Variants in CDC27 observed in about 807,000 individuals in gnomAD.
CDC27 encodes the protein cell division cycle protein 27 homolog.
In CDC27, 27 loss-of-function variants were observed where a neutral mutation model predicts 109.7. That is an observed-to-expected ratio of 0.25 (90% confidence interval 0.18 to 0.34). The LOEUF (loss-of-function observed/expected upper bound fraction) is 0.34, where lower values mean the gene tolerates loss of function less well. Among genes scored for constraint, CDC27 ranks in the 10% least tolerant of loss-of-function variants. The pLI, the probability that CDC27 is intolerant of heterozygous loss-of-function variation, is 1.00. For synonymous variants in CDC27, 266 were observed against 333.9 expected (o/e 0.80, Z 2.22); for missense variants, 579 against 960.2 (o/e 0.60, Z 5.25).
intron 15 of CDC27, among the ~76,000 whole-genome samples, chr17:47,131,600 G>A (rs1418499771): frequency 1.3e-5 from 2 of 151,926 alleles, no homozygotes; most frequent in African/African-American, 4.8e-5. Flanking sequence ...TTACACAGAA[G>A]CTAATAAATG....
At position 47,151,365 on chromosome 17, in the gene CDC27, TA is replaced by T. The variant is rs140138003; in HGVS notation, c.1070+440del. Among the ~76,000 whole-genome samples the T allele has an allele frequency of 5.8e-4, 89 of 152,364 alleles. No homozygotes were observed. In the East Asian group the frequency reaches 0.016, roughly 27 times the overall value. Reference sequence around the variant, plus strand: ...TATCTTCCTTTTAAAATGTTAGCTATAATCTATTGAGTCCTTGAAGAGGAAA... The same window carrying T: ...TATCTTCCTTTTAAAATGTTAGCTATATCTATTGAGTCCTTGAAGAGGAAA... On this transcript the variant is annotated intron_variant, in intron 9 of 18. Transcript: ENST00000066544.
intron 10 of CDC27, among the ~76,000 whole-genome samples, chr17:47,143,581 G>A (rs1217121108): frequency 6.6e-6 from 1 of 152,028 alleles, no homozygotes; most frequent in African/African-American, 2.4e-5. Context: ...ATCCTCCCTA[G>A]AGGCCTAACT....
chr17:47,169,692 A>G (rs2063756003), intron 4 of CDC27: 1 of 331,798 alleles, frequency 3.0e-6, no homozygotes, highest in Admixed American at 4.8e-5. Context: ...CCTAACATGT[A>G]TGATCAATTG....
intron 10 of CDC27, among the ~76,000 whole-genome samples, chr17:47,142,895 C>T (rs368174839): frequency 6.6e-6 from 1 of 152,144 alleles, no homozygotes. Context: ...AGGCTGGTCT[C>T]GAACTCCTGA....
At position 47,185,187 on chromosome 17, in the gene CDC27, C is replaced by CT. The variant is rs200454606; in HGVS notation, c.28-3551dup. Among the ~76,000 whole-genome samples the CT allele has an allele frequency of 6.5e-3, 985 of 151,060 alleles. 3 individuals carry two copies. Among genetic ancestry groups the CT allele is most frequent in the African/African-American group, 0.022 (924 of 41,202 alleles). The stretch of plus-strand genomic sequence containing the variant: ...AAATGTAATCACTATAAATTTTTCT[C>CT]TTTTTTTTTGAGACAGAGTCTCACT... On this transcript the variant is annotated intron_variant, in intron 1 of 18. Coordinates refer to ENST00000066544, the MANE Select transcript of CDC27 (RefSeq NM_001256.6).
At position 47,157,062 on chromosome 17, in the gene CDC27, T is replaced by C. The variant is rs1567684321; in HGVS notation, c.693A>G (p.Ser231=). Residue 231 remains serine (S), a synonymous_variant, in exon 7 of 19, where the codon TCA becomes TCG. Transcript: ENST00000066544. Reference sequence around the variant, plus strand: ...TTACAGCTGAATCAATATAAGACACTGAGGAATCTGTATTCAAGGAGTACT... The same window carrying C: ...TTACAGCTGAATCAATATAAGACACCGAGGAATCTGTATTCAAGGAGTACT... ...NSKYSLNTDS[S]VSYIDSAVIS... The C allele has an allele frequency of 6.3e-7, 1 of 1,596,948 alleles. No homozygotes were observed. The highest frequency in any genetic ancestry group is 1.1e-5 in the South Asian group (1 of 89,536).
intron 3 of CDC27, 96 bp downstream of exon 3, chr17:47,171,821 G>A (rs1237683051): frequency 1.3e-6 from 1 of 759,156 alleles, no homozygotes; most frequent in Non-Finnish European, 2.1e-6. Context: ...GGAAAACAGG[G>A]AAGAAAGGGA....
Position 47,120,987 on chromosome 17 carries a change from ATGC to A in CDC27, c.2420_2422del (p.Ser807del). On this transcript the variant is annotated inframe_deletion, in exon 19 of 19. Coordinates refer to ENST00000066544, the MANE Select transcript of CDC27 (RefSeq NM_001256.6). ...AAGTTGTGTGTCATCCGCATCTGTC[ATGC>A]TGCTCTCCTGGGATTCATCTGTTCC... 1.2e-6 allele frequency: 2 copies of A among 1,612,966 alleles called. No individual in the cohort carries two copies. Among genetic ancestry groups the A allele is most frequent in the Non-Finnish European group, 1.7e-6 (2 of 1,179,374 alleles).
At chr17:47,131,689 G>T (rs991992908) in intron 15 of CDC27, among the ~76,000 whole-genome samples, 1 of 149,076 alleles carries the variant, frequency 6.7e-6, no homozygotes, top group Non-Finnish European at 1.5e-5. Flanking sequence ...TCTTTTAAGA[G>T]ATGGAGTCTC....
intron 1 of CDC27, among the ~76,000 whole-genome samples, chr17:47,186,871 C>T (rs1331076940): frequency 1.3e-5 from 2 of 152,216 alleles, no homozygotes; most frequent in South Asian, 2.1e-4. Flanking sequence ...CCAACTTACT[C>T]TCATTGCTTT....
At position 47,157,334 on chromosome 17, in the gene CDC27, A is replaced by G; in HGVS notation, c.526T>C (p.Phe176Leu). 7 of 1,613,396 alleles carry G rather than the reference A, an allele frequency of 4.3e-6. No homozygotes were observed. The highest frequency in any genetic ancestry group is 5.9e-6 in the Non-Finnish European group (7 of 1,179,530). The change falls in exon 6 of 19, where the codon TTT becomes CTT. Residue 176 changes from phenylalanine (F) to leucine (L), a missense_variant. Phe to Leu is a conservative substitution (Grantham distance 22, BLOSUM62 0). Transcript: ENST00000066544. ...CAAGAGTTGGGCAGACAGTTGCTAA[A>G]GTTCTGTAAAGATGTGAATTTAAAT... ...QTFKFTSLQN[F>L]SNCLPNSCTT... is the part of the protein sequence containing the mutation.
intron 1 of CDC27, among the ~76,000 whole-genome samples, chr17:47,185,250 C>T (rs899599272): frequency 1.3e-5 from 2 of 152,114 alleles, no homozygotes; most frequent in African/African-American, 4.8e-5. Context: ...GCGATCTCGG[C>T]TCACTGCAAG....
At chr17:47,185,706 G>A in intron 1 of CDC27, among the ~76,000 whole-genome samples, 1 of 152,016 alleles carries the variant, frequency 6.6e-6, no homozygotes, top group Admixed American at 6.6e-5. Context: ...CCAGTCAGCT[G>A]CCCTTTTTTA....
chr17:47,180,945 TAAAAA>T (rs34061862), intron 2 of CDC27, among the ~76,000 whole-genome samples: 3 of 111,668 alleles, frequency 2.7e-5, no homozygotes, highest in Admixed American at 9.7e-5. Flanking sequence ...ACTCTTTTCT[TAAAAA>T]AAAAAAAAAA....
intron 13 of CDC27, among the ~76,000 whole-genome samples, chr17:47,138,048 G>C (rs1238428750): frequency 6.6e-6 from 1 of 152,108 alleles, no homozygotes. Flanking sequence ...GAATCCGCCT[G>C]CCTCAGCCTC....
chr17:47,123,817 A>C, intron 17 of CDC27, 69 bp downstream of exon 17: 1 of 1,141,586 alleles, frequency 8.8e-7, no homozygotes, highest in Non-Finnish European at 1.3e-6. Context: ...GAAGTATTAC[A>C]TTTATTCTTA....
At chr17:47,139,764 G>A (rs544442341) in intron 12 of CDC27, 1 of 152,142 alleles carries the variant, frequency 6.6e-6, no homozygotes. Context: ...GGAATCATAG[G>A]CCCTACCTAT....
At position 47,144,065 on chromosome 17, in the gene CDC27, A is replaced by T. The variant is rs969656879; in HGVS notation, c.1071-83T>A. ...CATTGTTTCAATTTGGGTATATTTT[A>T]AAAATATACATTAATTATATAAGTA... On this transcript the variant is annotated intron_variant, in intron 9 of 18. Transcript: ENST00000066544. 7 of 420,312 alleles carry T rather than the reference A, an allele frequency of 1.7e-5. No homozygotes were observed. The South Asian group carries it at 3.1e-4, about 19-fold the overall frequency. 26.0% of individuals were successfully genotyped at this position (420,312 alleles called of 1,614,324 possible). A position where few individuals can be genotyped will look rare whatever the true frequency, so the allele number is the denominator to read the frequency against.
At chr17:47,151,748 A>T in intron 9 of CDC27, 58 bp downstream of exon 9, 2 of 1,348,096 alleles carry the variant, frequency 1.5e-6, no homozygotes, top group Non-Finnish European at 2.0e-6. Flanking sequence ...TAAATTAAAG[A>T]AATGTAAAGA....
Sources: gnomAD v4.1 joint callset for allele counts (sites outside exome capture counted in the v4.1 genomes callset) on GRCh38, gnomAD v4.1.1 for gene constraint, MANE v1.5 for transcripts, NCBI Gene and HGNC (gene_info 2026-07-23, HGNC 2026-07-21) for gene names.